CYP4F22: variants seen among roughly 807,000 people sequenced by gnomAD.
CYP4F22 encodes the protein cytochrome P450 family 4 subfamily F member 22.
In CYP4F22, 37 loss-of-function variants were observed where a neutral mutation model predicts 60.4. That is an observed-to-expected ratio of 0.61 (90% CI 0.47 to 0.81). The LOEUF is 0.81. Ranked by LOEUF, CYP4F22 falls within the 30% of genes least tolerant of loss-of-function variation. The pLI is 0.00. For synonymous variants in CYP4F22, 258 were observed against 280.5 expected (o/e 0.92, Z 0.80); for missense variants, 655 against 715.0 (o/e 0.92, Z 0.96).
chr19:15,522,779 C>T (rs896280958), intron 1 of CYP4F22, among the ~76,000 whole-genome samples: 1 of 152,248 alleles, frequency 6.6e-6, no homozygotes, highest in African/African-American at 2.4e-5. Flanking sequence ...GGCACGATCT[C>T]AGCTCACTTC....
intron 3 of CYP4F22, among the ~76,000 whole-genome samples, chr19:15,526,371 T>C (rs1971283119): frequency 6.6e-6 from 1 of 152,188 alleles, no homozygotes; most frequent in Non-Finnish European, 1.5e-5. Flanking sequence ...TGAATTTTTT[T>C]CTTTTTGAGA....
Position 15,528,153 on chromosome 19 carries a change from C to T in CYP4F22, c.223-1556C>T, listed in dbSNP as rs147366030. 1.6e-4 allele frequency among the ~76,000 whole-genome samples: 24 copies of T among 152,222 alleles called. No homozygotes were observed. In the East Asian group the frequency reaches 4.6e-3, roughly 29 times the overall value. ...GGCTGTCTCTGGTGGCTGGAGCCCACTCTGCAAGTGAAATAAAGGCTGGGC... is the reference window on the plus strand; with the variant it reads ...GGCTGTCTCTGGTGGCTGGAGCCCATTCTGCAAGTGAAATAAAGGCTGGGC... On this transcript the variant is annotated intron_variant, in intron 3 of 13. Coordinates refer to ENST00000269703, the MANE Select transcript of CYP4F22 (RefSeq NM_173483.4).
intron 1 of CYP4F22, among the ~76,000 whole-genome samples, chr19:15,513,516 C>T (rs1349531261): frequency 3.3e-5 from 5 of 151,356 alleles, no homozygotes; most frequent in East Asian, 1.9e-4. Flanking sequence ...AGGCGCCCGC[C>T]ACCTCGCCCG....
chr19:15,533,484 T>A (rs1363164657), intron 4 of CYP4F22, among the ~76,000 whole-genome samples: 1 of 152,060 alleles, frequency 6.6e-6, no homozygotes, highest in African/African-American at 2.4e-5. Context: ...TCTGGGTACA[T>A]CATAGAAAGA....
At chr19:15,525,646 A>G (rs1971275303) in intron 3 of CYP4F22, 88 bp downstream of exon 3, 5 of 1,290,154 alleles carry the variant, frequency 3.9e-6, no homozygotes, top group Non-Finnish European at 5.4e-6. Flanking sequence ...GGCTTCCCAC[A>G]GCCTCCCAAG....
In CYP4F22 at chr19:15,537,880, G is replaced by A; in HGVS notation, c.558G>A (p.Trp186Ter). The change falls in exon 7 of 14, where the codon TGG (tryptophan) becomes TGA (stop). Residue 186 changes from tryptophan to a stop codon, truncating the protein, a stop_gained. Coordinates refer to ENST00000269703, the MANE Select transcript of CYP4F22 (RefSeq NM_173483.4). LOFTEE classifies it high-confidence loss of function. ...ATGTATCTCTCTTCCAGGCTAAATG[G>A]CGGCATCTGGCAGAGGGCTCAGCGG... ...NQSADIMHAK[W>*]RHLAEGSAVS... 6.2e-7 allele frequency: 1 copy of A among 1,613,866 alleles called. No individual in the cohort carries two copies. The highest frequency in any genetic ancestry group is 1.1e-5 in the South Asian group (1 of 91,056).
chr19:15,539,161 C>G (rs1599808271), intron 7 of CYP4F22, among the ~76,000 whole-genome samples: 2 of 152,308 alleles, frequency 1.3e-5, no homozygotes, highest in East Asian at 1.9e-4. Flanking sequence ...AATCCTCCCC[C>G]ACCCCAAGAA....
chr19:15,529,997 G>A lies in CYP4F22; in HGVS notation c.367+144G>A, dbSNP rs533944135. The A allele has an allele frequency of 8.5e-4, 1,015 of 1,187,150 alleles. 5 individuals carry two copies. Among genetic ancestry groups the A allele is most frequent in the South Asian group, 1.4e-3 (106 of 78,236 alleles). 73.5% of individuals were successfully genotyped at this position (1,187,150 alleles called of 1,614,324 possible). ...ATAAGAGTTTGGCAAAGCAAGCATG[G>A]CAATCCAGATTGTGAGAACAGTATG... On this transcript the variant is annotated intron_variant, in intron 4 of 13. Transcript: ENST00000269703.
intron 1 of CYP4F22, among the ~76,000 whole-genome samples, chr19:15,520,556 C>A (rs1599792027): frequency 6.6e-6 from 1 of 151,578 alleles, no homozygotes. Context: ...CCATACGGAC[C>A]ACACACAGAG....
At chr19:15,536,769 G>A (rs912928973) in intron 4 of CYP4F22, among the ~76,000 whole-genome samples, 2 of 152,208 alleles carry the variant, frequency 1.3e-5, no homozygotes, top group African/African-American at 4.8e-5. Context: ...GGTGGTGGGA[G>A]AGGCATACAG....
intron 1 of CYP4F22, among the ~76,000 whole-genome samples, chr19:15,519,354 C>T (rs1264209221): frequency 6.6e-6 from 1 of 151,948 alleles, no homozygotes; most frequent in East Asian, 1.9e-4. Flanking sequence ...CCTCTGCCTC[C>T]CACGCTCAAG....
Position 15,541,538 on chromosome 19 carries a change from G to C in CYP4F22, c.939+821G>C, listed in dbSNP as rs117915232. 7.2e-3 allele frequency among the ~76,000 whole-genome samples: 1,102 copies of C among 152,194 alleles called. 7 individuals are homozygous for C. Among genetic ancestry groups the C allele is most frequent in the Non-Finnish European group, 0.012 (830 of 68,020 alleles). On this transcript the variant is annotated intron_variant, in intron 8 of 13. Coordinates refer to ENST00000269703, the MANE Select transcript of CYP4F22 (RefSeq NM_173483.4). ...TTAGGACTTATGAATTCTAGCGGAGGGGGGGTGGGCAGGGAACCATTCAGC... is the reference window on the plus strand; with the variant it reads ...TTAGGACTTATGAATTCTAGCGGAGCGGGGGTGGGCAGGGAACCATTCAGC...
At chr19:15,550,984 C>A (rs539504980) in intron 13 of CYP4F22, among the ~76,000 whole-genome samples, 2 of 152,124 alleles carry the variant, frequency 1.3e-5, no homozygotes, top group African/African-American at 4.8e-5. Context: ...TGGGCTCCCA[C>A]GCTCCCATTG....
At chr19:15,543,609 C>A (rs963409791) in intron 8 of CYP4F22, among the ~76,000 whole-genome samples, 24 of 152,098 alleles carry the variant, frequency 1.6e-4, no homozygotes, top group Non-Finnish European at 3.1e-4. Context: ...GTAATCCCAG[C>A]ACTTTGGGAG....
intron 8 of CYP4F22, among the ~76,000 whole-genome samples, chr19:15,541,938 T>C (rs961533388): frequency 6.6e-6 from 1 of 151,930 alleles, no homozygotes; most frequent in Non-Finnish European, 1.5e-5. Context: ...TGGTCACTCA[T>C]TGGTGTGTCT....
At chr19:15,539,773 T>C (rs1255376608) in intron 7 of CYP4F22, among the ~76,000 whole-genome samples, 2 of 152,226 alleles carry the variant, frequency 1.3e-5, no homozygotes, top group African/African-American at 4.8e-5. Context: ...TATTGCTCTG[T>C]TGCTCAGGCT....
chr19:15,531,327 C>T (rs1971340493), intron 4 of CYP4F22, among the ~76,000 whole-genome samples: 1 of 150,374 alleles, frequency 6.7e-6, no homozygotes, highest in Non-Finnish European at 1.5e-5. Context: ...CTGCAGTGAG[C>T]TATGATTGCA....
chr19:15,551,205 C>G, intron 13 of CYP4F22, 89 bp from the exon 14 acceptor site: 1 of 1,523,374 alleles, frequency 6.6e-7, no homozygotes. Flanking sequence ...GCCCAGGATG[C>G]TTGCTTCATT....
chr19:15,537,377 G>C lies in CYP4F22; in HGVS notation c.384G>C (p.Lys128Asn). The change falls in exon 5 of 14, where the codon AAG becomes AAC. Residue 128 changes from lysine to asparagine, a missense_variant. Transcript: ENST00000269703. Reference protein sequence around the residue: ...LLGASAAIAPKDDLFYGFLKP... With the variant: ...LLGASAAIAPNDDLFYGFLKP... ...CCTCCACAGCTGCCATCGCCCCCAA[G>C]GATGACCTCTTCTATGGCTTCCTAA... The C allele has an allele frequency of 6.2e-7, 1 of 1,614,182 alleles. No individual in the cohort carries two copies. Among genetic ancestry groups the C allele is most frequent in the Non-Finnish European group, 8.5e-7 (1 of 1,180,010 alleles).
Sources: allele counts gnomAD v4.1 joint callset (sites outside exome capture counted in the v4.1 genomes callset), GRCh38; gene constraint gnomAD v4.1.1; transcripts MANE v1.5; gene names NCBI Gene and HGNC (gene_info 2026-07-23, HGNC 2026-07-21).